Variants in ACSM2A observed in about 807,000 individuals in gnomAD.
ACSM2A encodes the protein acyl-coenzyme A synthetase ACSM2A, mitochondrial.
In ACSM2A, 72 loss-of-function variants were observed where a neutral mutation model predicts 76.6. The ratio of observed to expected loss-of-function variants is 0.94; its 90% CI spans 0.78 to 1.14. The LOEUF is 1.14. ACSM2A is among the 50% of genes most tolerant of loss of function. The probability of loss-of-function intolerance (pLI) is 0.00; values close to 1 mark genes in which losing one functional copy is unlikely to be tolerated. For missense variants in ACSM2A, 684 were observed against 708.5 expected (o/e 0.97, Z 0.39); for synonymous variants, 249 against 255.9 (o/e 0.97, Z 0.26).
At chr16:20,470,888 T>G in intron 4 of ACSM2A, 185 bp from the exon 5 acceptor site, 1 of 866,326 alleles carries the variant, frequency 1.2e-6, no homozygotes, top group Non-Finnish European at 1.9e-6. Flanking sequence ...GAAACTTCAG[T>G]AGTTTTCAAA....
intron 8 of ACSM2A, chr16:20,476,082 T>G: frequency 9.3e-7 from 1 of 1,076,442 alleles, no homozygotes; most frequent in Non-Finnish European, 1.2e-6. Flanking sequence ...GGGTGAGAAG[T>G]TGGTAAATCA....
intron 1 of ACSM2A, among the ~76,000 whole-genome samples, chr16:20,455,384 G>C (rs1362637305): frequency 6.6e-6 from 1 of 151,450 alleles, no homozygotes; most frequent in African/African-American, 2.4e-5. Flanking sequence ...AGAATCTTAA[G>C]AGCTGTGAGG....
In ACSM2A at chr16:20,475,410, T is replaced by A. The variant is rs746846484; in HGVS notation, c.943T>A (p.Tyr315Asn). Residue 315 changes from tyrosine (Y) to asparagine (N), a missense_variant, in exon 7 of 14, where the codon TAC (tyrosine) becomes AAC (asparagine). Tyr to Asn is a moderately radical substitution (Grantham distance 143). Around this residue, in one of 3 missense-constraint regions of ACSM2A, gnomAD observed 519 missense variants for 549.5 expected, o/e 0.94. Transcript: ENST00000573854. ...IKSMMGAPIV[Y>N]RMLLQQDLSS... is the part of the protein sequence containing the mutation. Reference sequence around the variant, plus strand: ...GAGTATGATGGGTGCCCCCATTGTTTACCGGATGTTGCTACAGCAGGATCT... The same window carrying A: ...GAGTATGATGGGTGCCCCCATTGTTAACCGGATGTTGCTACAGCAGGATCT... 4.3e-6 allele frequency: 7 copies of A among 1,613,716 alleles called. No individual in the cohort carries two copies. The East Asian group carries it at 1.1e-4, about 26-fold the overall frequency.
intron 2 of ACSM2A, among the ~76,000 whole-genome samples, chr16:20,460,492 A>G (rs887761173): frequency 9.2e-5 from 14 of 152,200 alleles, no homozygotes; most frequent in East Asian, 3.8e-4. Flanking sequence ...AGGCACAGGA[A>G]TGTGGCAACC....
At chr16:20,474,256 C>G (rs544713435) in intron 6 of ACSM2A, 19 of 250,238 alleles carry the variant, frequency 7.6e-5, no homozygotes, top group Admixed American at 2.0e-4. Flanking sequence ...TCAACAAACT[C>G]AATCCCCAGT....
chr16:20,464,743 A>G (rs554910937), intron 2 of ACSM2A, among the ~76,000 whole-genome samples: 1 of 152,258 alleles, frequency 6.6e-6, no homozygotes, highest in South Asian at 2.1e-4. Context: ...TCAAATTCAT[A>G]GAGTCGGAAA....
rs553284138 is a variant in ACSM2A, at chr16:20,470,108, T to A, written c.596+389T>A. Reference sequence around the variant, plus strand: ...TGAAGAGTGGCTCAGAGTTCCATGCTATGGTAAAACAGAGAAACTATGGGG... The same window carrying A: ...TGAAGAGTGGCTCAGAGTTCCATGCAATGGTAAAACAGAGAAACTATGGGG... On this transcript the variant is annotated intron_variant, in intron 4 of 13. Coordinates refer to ENST00000573854, the MANE Select transcript of ACSM2A (RefSeq NM_001308172.2). Among the ~76,000 whole-genome samples the A allele has an allele frequency of 2.6e-5, 4 of 152,224 alleles. 1 individual carries two copies. In the South Asian group the frequency reaches 8.3e-4, roughly 32 times the overall value.
chr16:20,470,891 T>A (rs2013348583), intron 4 of ACSM2A, 182 bp from the exon 5 acceptor site: 1 of 939,382 alleles, frequency 1.1e-6, no homozygotes, highest in Non-Finnish European at 1.7e-6. Context: ...ACTTCAGTAG[T>A]TTTCAAACCC....
At chr16:20,475,831 T>G in intron 8 of ACSM2A, 58 bp downstream of exon 8, 1 of 1,598,512 alleles carries the variant, frequency 6.3e-7, no homozygotes, top group Non-Finnish European at 8.5e-7. Context: ...CAAAATTCTC[T>G]TTGACAATAA....
chr16:20,475,951 A>G lies in ACSM2A; in HGVS notation c.1098+178A>G. 2.8e-6 allele frequency: 4 copies of G among 1,410,490 alleles called. No homozygotes were observed. The South Asian group carries it at 6.5e-5, about 23-fold the overall frequency. The allele number at this position is 1,410,490 out of a possible 1,614,324, so 87.4% of individuals were successfully genotyped here. A position where few individuals can be genotyped will look rare whatever the true frequency, so the allele number is the denominator to read the frequency against. ...ATTCCGCACAGAACAAAAAAGGCAA[A>G]GTTCCTGTTTTCTGGGAGATTACAT... On this transcript the variant is annotated intron_variant, in intron 8 of 13. Transcript: ENST00000573854.
At position 20,486,766 on chromosome 16, in the gene ACSM2A, T is replaced by G; in HGVS notation, c.*88T>G. On this transcript the variant is annotated 3_prime_UTR_variant, in exon 14 of 14. Transcript: ENST00000573854. ...TTGGCCTTCCTATGATTATATGAGA[T>G]TCTTTATGGAAGAACATGAATATAA... 211 of 1,316,532 alleles carry G rather than the reference T, an allele frequency of 1.6e-4. No individual in the cohort carries two copies. The highest frequency in any genetic ancestry group is 1.9e-4 in the Non-Finnish European group (178 of 928,652). The allele number at this position is 1,316,532 out of a possible 1,614,324, so 81.6% of individuals were successfully genotyped here.
chr16:20,468,972 A>G (rs2013195797), intron 3 of ACSM2A, among the ~76,000 whole-genome samples: 2 of 152,234 alleles, frequency 1.3e-5, no homozygotes, highest in Non-Finnish European at 1.5e-5. Flanking sequence ...CAAAAATTAT[A>G]ATACCACTTT....
chr16:20,478,527 G>C lies in ACSM2A; in HGVS notation c.1180-49G>C, dbSNP rs376932258. Reference sequence around the variant, plus strand: ...TCAGCAATCTCATGATGCCATTGAAGCCATCTCCTGCTGTGTGCATCATTC... The same window carrying C: ...TCAGCAATCTCATGATGCCATTGAACCCATCTCCTGCTGTGTGCATCATTC... On this transcript the variant is annotated intron_variant, in intron 9 of 13. Coordinates refer to ENST00000573854, the MANE Select transcript of ACSM2A (RefSeq NM_001308172.2). The C allele has an allele frequency of 3.2e-6, 5 of 1,585,072 alleles. No homozygotes were observed. In the African/African-American group the frequency reaches 5.4e-5, roughly 17 times the overall value.
intron 2 of ACSM2A, among the ~76,000 whole-genome samples, chr16:20,464,036 T>C (rs2012803338): frequency 6.6e-6 from 1 of 152,188 alleles, no homozygotes; most frequent in South Asian, 2.1e-4. Flanking sequence ...CCAAGTTCTT[T>C]GCTAAAATAT....
At chr16:20,478,054 A>G (rs2013852161) in intron 9 of ACSM2A, among the ~76,000 whole-genome samples, 1 of 152,206 alleles carries the variant, frequency 6.6e-6, no homozygotes, top group African/African-American at 2.4e-5. Context: ...GACTCTATTC[A>G]GTGTCATATC....
chr16:20,476,232 C>A (rs937398477), intron 8 of ACSM2A: 10 of 997,314 alleles, frequency 1.0e-5, no homozygotes, highest in Non-Finnish European at 1.2e-5. Context: ...GACTTTACTG[C>A]ACCTCCTGAC....
intron 2 of ACSM2A, among the ~76,000 whole-genome samples, chr16:20,461,594 T>G (rs1446175991): frequency 6.6e-6 from 1 of 152,252 alleles, no homozygotes; most frequent in East Asian, 1.9e-4. Flanking sequence ...AAAGTGAGCT[T>G]GTAGAAACCA....
intron 13 of ACSM2A, among the ~76,000 whole-genome samples, chr16:20,484,852 C>T (rs182763427): frequency 5.9e-5 from 9 of 152,204 alleles, no homozygotes; most frequent in Admixed American, 3.9e-4. Context: ...CTGAGGCAAT[C>T]CTCATATTGG....
intron 2 of ACSM2A, among the ~76,000 whole-genome samples, chr16:20,464,353 G>A (rs1260867588): frequency 6.6e-6 from 1 of 152,192 alleles, no homozygotes; most frequent in Non-Finnish European, 1.5e-5. Context: ...AGGAATACCT[G>A]AGACTAGGTA....
Sources: allele counts gnomAD v4.1 joint callset (sites outside exome capture counted in the v4.1 genomes callset), GRCh38; gene constraint gnomAD v4.1.1; regional missense constraint gnomAD v4.1.1; transcripts MANE v1.5; gene names NCBI Gene and HGNC (gene_info 2026-07-23, HGNC 2026-07-21).